Variants in PLCE1 observed in about 807,000 individuals in gnomAD.
PLCE1 encodes phospholipase C epsilon 1.
PLCE1 carries 119 observed loss-of-function variants against 242.8 expected under a neutral mutation model. The observed-to-expected ratio is 0.49, with a 90% CI of 0.42 to 0.57. The LOEUF (loss-of-function observed/expected upper bound fraction) is 0.57, where lower values mean the gene tolerates loss of function less well. Ranked by LOEUF, PLCE1 falls within the 20% of genes least tolerant of loss-of-function variation. The pLI, the probability that PLCE1 is intolerant of heterozygous loss-of-function variation, is 0.00. For missense variants in PLCE1, 2,441 were observed against 2,788.8 expected, an observed-to-expected ratio of 0.88 and a Z score of 2.81; for synonymous variants, 945 against 1,017.4, an observed-to-expected ratio of 0.93 and a Z score of 1.35.
intron 3 of PLCE1, among the ~76,000 whole-genome samples, chr10:94,153,445 AAAACCC>A (rs1347995528): frequency 6.6e-6 from 1 of 152,210 alleles, no homozygotes; most frequent in Non-Finnish European, 1.5e-5. Flanking sequence ...GTATCTATGC[AAAACCC>A]ACAGCTGACA....
intron 2 of PLCE1, among the ~76,000 whole-genome samples, chr10:94,101,801 G>C (rs973256615): frequency 1.3e-5 from 2 of 152,310 alleles, no homozygotes; most frequent in Non-Finnish European, 2.9e-5. Flanking sequence ...GCGCTGAAGG[G>C]GTCTGGCCCG....
intron 18 of PLCE1, among the ~76,000 whole-genome samples, chr10:94,270,870 A>G (rs538348794): frequency 2.7e-4 from 41 of 152,248 alleles, no homozygotes; most frequent in African/African-American, 8.9e-4. Context: ...AGGTTTCGCC[A>G]TGATGGCCAG....
intron 16 of PLCE1, 118 bp downstream of exon 16, chr10:94,266,076 C>A: frequency 2.2e-6 from 2 of 907,336 alleles, no homozygotes; most frequent in Non-Finnish European, 3.6e-6. Flanking sequence ...TAAGCTATTA[C>A]ATGTCAAATG....
At chr10:94,122,065 G>A (rs1045842514) in intron 2 of PLCE1, among the ~76,000 whole-genome samples, 4 of 152,152 alleles carry the variant, frequency 2.6e-5, no homozygotes, top group African/African-American at 9.7e-5. Flanking sequence ...ACCTGTTGGG[G>A]ACACACAGAA....
intron 4 of PLCE1, among the ~76,000 whole-genome samples, chr10:94,194,589 G>C (rs1012608191): frequency 6.6e-6 from 1 of 152,202 alleles, no homozygotes; most frequent in African/African-American, 2.4e-5. Flanking sequence ...GTAGCCCTGG[G>C]TAAGAGCCCT....
rs780104080 is a variant in PLCE1, at chr10:94,306,391, C to T, written c.5623-36C>T. ...AGAGGTTGTCTTTCTTTTTTATCCT[C>T]GGTGACTTTGATCCCTTTTGTCTCC... On this transcript the variant is annotated intron_variant, in intron 25 of 32. Transcript: ENST00000371380. The surrounding 1 kb of genome is among the most constrained non-coding windows in gnomAD (Gnocchi z 5.7). 2.7e-5 allele frequency: 43 copies of T among 1,613,928 alleles called. No individual in the cohort carries two copies. The East Asian group carries it at 5.1e-4, about 19-fold the overall frequency.
chr10:94,037,815 T>C (rs1409837781), intron 2 of PLCE1, among the ~76,000 whole-genome samples: 1 of 152,172 alleles, frequency 6.6e-6, no homozygotes, highest in African/African-American at 2.4e-5. Flanking sequence ...TGGCTAAGAT[T>C]TGGTAAGAGC....
Position 94,325,021 on chromosome 10 carries a change from A to G in PLCE1, c.6850A>G (p.Lys2284Glu), listed in dbSNP as rs771218413. ...QLLTSESIQT[K>E]EEKPVGGLSS... ...CTTGACCTCAGAAAGTATCCAAACC[A>G]AGGAGGAGAAACCTGTGGGTGGCTT... The change falls in exon 32 of 33, where the codon AAG becomes GAG. Residue 2284 changes from lysine to glutamate, a missense_variant. This residue lies in a region of PLCE1 where 310 missense variants were observed against 317.2 expected (regional missense o/e 0.98). Coordinates refer to ENST00000371380, the MANE Select transcript of PLCE1 (RefSeq NM_016341.4). 3 of 1,614,162 alleles carry G rather than the reference A, an allele frequency of 1.9e-6. No individual in the cohort carries two copies. Among genetic ancestry groups the G allele is most frequent in the Non-Finnish European group, 2.5e-6 (3 of 1,180,004 alleles).
At chr10:94,115,945 C>A (rs914670440) in intron 2 of PLCE1, among the ~76,000 whole-genome samples, 6 of 152,176 alleles carry the variant, frequency 3.9e-5, no homozygotes, top group Non-Finnish European at 7.4e-5. Flanking sequence ...GCAAGAGACA[C>A]TCAATGCAAC....
intron 2 of PLCE1, among the ~76,000 whole-genome samples, chr10:94,077,585 C>G (rs577981694): frequency 6.6e-6 from 1 of 152,174 alleles, no homozygotes; most frequent in East Asian, 1.9e-4. Flanking sequence ...CATAGTGAGA[C>G]CCCAAGTCTG....
At chr10:94,064,062 A>G (rs1001055441) in intron 2 of PLCE1, among the ~76,000 whole-genome samples, 1 of 152,230 alleles carries the variant, frequency 6.6e-6, no homozygotes, top group African/African-American at 2.4e-5. Context: ...TTCAGCACTC[A>G]TTTTGTTAAC....
chr10:94,047,308 A>T (rs993531077), intron 2 of PLCE1, among the ~76,000 whole-genome samples: 3 of 152,186 alleles, frequency 2.0e-5, no homozygotes, highest in Non-Finnish European at 2.9e-5. Context: ...GTGGGATATT[A>T]GTTCCTGCCA....
intron 2 of PLCE1, among the ~76,000 whole-genome samples, chr10:94,034,689 G>A (rs746252034): frequency 1.3e-5 from 2 of 152,048 alleles, no homozygotes; most frequent in Non-Finnish European, 2.9e-5. Context: ...CTGCTTACAC[G>A]TCACAGTCAC....
In PLCE1 at chr10:94,259,141, C is replaced by A. The variant is rs1476945487; in HGVS notation, c.3805C>A (p.Pro1269Thr). The A allele has an allele frequency of 6.2e-7, 1 of 1,614,130 alleles. No individual in the cohort carries two copies. The highest frequency in any genetic ancestry group is 2.2e-5 in the East Asian group (1 of 44,876). The change falls in exon 13 of 33, where the codon CCT becomes ACT. Residue 1269 changes from proline to threonine, a missense_variant. Pro to Thr is a conservative substitution (Grantham distance 38). This residue lies in a region of PLCE1 where 1,004 missense variants were observed against 1,322.7 expected (regional missense o/e 0.76). Transcript: ENST00000371380. Reference protein sequence around the residue: ...TIDENTSDLQPDLDLLTRNVS... With the variant: ...TIDENTSDLQTDLDLLTRNVS... ...TGATGAAAACACCAGCGATCTTCAG[C>A]CTGACCTAGGTTTGTTGAACATTTT...
chr10:94,307,551 A>G (rs1289096499), intron 26 of PLCE1, among the ~76,000 whole-genome samples: 2 of 152,222 alleles, frequency 1.3e-5, no homozygotes, highest in African/African-American at 4.8e-5. Flanking sequence ...GCTGAACCAC[A>G]GAAATGTATT....
chr10:94,212,389 T>C (rs2049367155), intron 4 of PLCE1, among the ~76,000 whole-genome samples: 1 of 152,218 alleles, frequency 6.6e-6, no homozygotes, highest in Non-Finnish European at 1.5e-5. Flanking sequence ...CCAGAGTAGC[T>C]GGGACTACAG....
At chr10:94,184,484 C>T (rs1321764127) in intron 4 of PLCE1, among the ~76,000 whole-genome samples, 1 of 152,190 alleles carries the variant, frequency 6.6e-6, no homozygotes, top group African/African-American at 2.4e-5. Context: ...CACCTGCCAC[C>T]ATGCCCAGCT....
At chr10:94,119,822 C>A (rs528405446) in intron 2 of PLCE1, among the ~76,000 whole-genome samples, 1 of 152,292 alleles carries the variant, frequency 6.6e-6, no homozygotes, top group Admixed American at 6.5e-5. Context: ...TAGCTACTGG[C>A]AAACTATTTT....
intron 2 of PLCE1, among the ~76,000 whole-genome samples, chr10:94,112,808 CT>C (rs1230069943): frequency 6.6e-6 from 1 of 152,100 alleles, no homozygotes; most frequent in African/African-American, 2.4e-5. Flanking sequence ...AACACAATGC[CT>C]TTGTTCCTCA....
Sources: allele counts gnomAD v4.1 joint callset (sites outside exome capture counted in the v4.1 genomes callset), GRCh38; gene constraint gnomAD v4.1.1; regional missense constraint gnomAD v4.1.1; non-coding constraint Gnocchi (gnomAD v3.1); transcripts MANE v1.5; gene names NCBI Gene and HGNC (gene_info 2026-07-23, HGNC 2026-07-21).